Variants in STPG2 observed in about 807,000 individuals in gnomAD.
STPG2 encodes the protein sperm-tail PG-rich repeat-containing protein 2.
Under a neutral mutation model 54.2 loss-of-function variants are expected in STPG2, and 56 were observed. That is an observed-to-expected ratio of 1.03 (90% CI 0.83 to 1.29). STPG2 has a LOEUF of 1.29. STPG2 is among the 50% of genes most tolerant of loss of function. STPG2 has a pLI of 0.00. For synonymous variants in STPG2, 200 were observed against 181.8 expected (o/e 1.10, Z -0.81); for missense variants, 596 against 544.9 (o/e 1.09, Z -0.93).
intron 5 of STPG2, among the ~76,000 whole-genome samples, chr4:98,091,855 A>G (rs898536128): frequency 4.6e-5 from 7 of 152,206 alleles, no homozygotes; most frequent in Admixed American, 1.3e-4. Context: ...CTTAAAAGGA[A>G]GAATATTGAG....
chr4:97,490,385 T>C (rs1269212972), intron 4 of STPG2, among the ~76,000 whole-genome samples: 1 of 151,480 alleles, frequency 6.6e-6, no homozygotes, highest in African/African-American at 2.4e-5. Context: ...ATATTAATTA[T>C]TCCCTCTCTC....
At chr4:97,517,857 C>G (rs1011189824) in intron 4 of STPG2, among the ~76,000 whole-genome samples, 4 of 152,040 alleles carry the variant, frequency 2.6e-5, no homozygotes, top group Non-Finnish European at 4.4e-5. Flanking sequence ...ATGCTGCTAC[C>G]TTGTTCATTT....
At position 97,634,033 on chromosome 4, in the gene STPG2, G is replaced by C. The variant is rs546107139; in HGVS notation, c.1321-74916C>G. 1.1e-4 allele frequency among the ~76,000 whole-genome samples: 17 copies of C among 152,272 alleles called. No homozygotes were observed. In the South Asian group the frequency reaches 3.3e-3, roughly 30 times the overall value. ...CGTGCCTCTCTAGGCTCCACCTCTG[G>C]GGGCAGGGCACAGACAAACAAAAAG... On this transcript the variant is annotated intron_variant, in intron 10 of 10. Coordinates refer to ENST00000295268, the MANE Select transcript of STPG2 (RefSeq NM_174952.3).
intron 8 of STPG2, among the ~76,000 whole-genome samples, chr4:97,859,461 CT>C (rs1446587744): frequency 7.3e-6 from 1 of 137,658 alleles, no homozygotes; most frequent in Non-Finnish European, 1.5e-5. Flanking sequence ...TCTTTCTTTT[CT>C]TTTCTTTTTT....
chr4:98,022,264 C>T (rs1243521585), intron 5 of STPG2, among the ~76,000 whole-genome samples: 1 of 151,576 alleles, frequency 6.6e-6, no homozygotes, highest in Non-Finnish European at 1.5e-5. Flanking sequence ...TTTTATTTCT[C>T]CTTCACTTAT....
chr4:97,710,941 C>T (rs1199801763), intron 10 of STPG2, among the ~76,000 whole-genome samples: 3 of 151,602 alleles, frequency 2.0e-5, no homozygotes, highest in Admixed American at 6.6e-5. Flanking sequence ...TAACAAACAA[C>T]AATATAAAAC....
chr4:97,720,992 T>C (rs545553392), intron 9 of STPG2, among the ~76,000 whole-genome samples: 2 of 152,194 alleles, frequency 1.3e-5, no homozygotes, highest in South Asian at 2.1e-4. Context: ...CTCCCTCATA[T>C]TTTTAACTAG....
In STPG2 at chr4:97,818,469, A is replaced by C. The variant is rs571286858; in HGVS notation, c.1204+22304T>G. ...ATATGGTCTCTCTCTCTCTCTCAAA[A>C]TATTTTATTTTACTGTACTCGCCTA... On this transcript the variant is annotated intron_variant, in intron 9 of 10. Coordinates refer to ENST00000295268, the MANE Select transcript of STPG2 (RefSeq NM_174952.3). Among the ~76,000 whole-genome samples, 13 of 151,938 alleles carry C rather than the reference A, an allele frequency of 8.6e-5. No homozygotes were observed. In the South Asian group the frequency reaches 2.1e-3, roughly 24 times the overall value.
intron 9 of STPG2, among the ~76,000 whole-genome samples, chr4:97,716,836 A>G (rs1456719527): frequency 6.6e-6 from 1 of 151,828 alleles, no homozygotes; most frequent in Non-Finnish European, 1.5e-5. Context: ...CCTATGAAAC[A>G]AACCTGCACG....
At chr4:97,722,141 T>TGG (rs1724470016) in intron 9 of STPG2, among the ~76,000 whole-genome samples, 1 of 150,840 alleles carries the variant, frequency 6.6e-6, no homozygotes, top group Admixed American at 6.6e-5. Context: ...CAGCAAATAC[T>TGG]GAAATCTATT....
At chr4:98,074,032 G>A (rs1202207106) in intron 5 of STPG2, among the ~76,000 whole-genome samples, 1 of 152,162 alleles carries the variant, frequency 6.6e-6, no homozygotes, top group African/African-American at 2.4e-5. Context: ...CTGAGGATCT[G>A]TGTGTATATA....
chr4:97,446,318 C>A (rs1013582195), intron 4 of STPG2, among the ~76,000 whole-genome samples: 5 of 152,168 alleles, frequency 3.3e-5, no homozygotes, highest in African/African-American at 1.2e-4. Context: ...GAACTTATCT[C>A]TAGAGGAACA....
intron 4 of STPG2, among the ~76,000 whole-genome samples, chr4:97,541,916 A>C (rs1731717261): frequency 6.6e-6 from 1 of 152,214 alleles, no homozygotes; most frequent in Non-Finnish European, 1.5e-5. Flanking sequence ...CTGGCTAGCC[A>C]TATGTAGAAA....
chr4:98,025,858 A>C (rs1413087524), intron 5 of STPG2: 6 of 1,598,106 alleles, frequency 3.8e-6, no homozygotes, highest in Non-Finnish European at 5.1e-6. Flanking sequence ...CTGGCAATAA[A>C]GTTTTTGGCA....
chr4:97,881,194 T>C (rs1450651749), intron 8 of STPG2, among the ~76,000 whole-genome samples: 1 of 151,950 alleles, frequency 6.6e-6, no homozygotes, highest in Non-Finnish European at 1.5e-5. Context: ...GTCTTAAAAA[T>C]TAAAAGACAA....
At chr4:97,836,309 C>T (rs1728628342) in intron 9 of STPG2, among the ~76,000 whole-genome samples, 1 of 151,958 alleles carries the variant, frequency 6.6e-6, no homozygotes, top group Non-Finnish European at 1.5e-5. Flanking sequence ...CCACCAACAT[C>T]AAAGCAAGAC....
chr4:97,501,159 C>T (rs28407898), intron 4 of STPG2, among the ~76,000 whole-genome samples: 3 of 151,950 alleles, frequency 2.0e-5, no homozygotes, highest in African/African-American at 4.8e-5. Flanking sequence ...CTACCAAATA[C>T]ACAAGTTAGA....
At chr4:97,536,525 T>G (rs1731535417) in intron 4 of STPG2, among the ~76,000 whole-genome samples, 1 of 152,128 alleles carries the variant, frequency 6.6e-6, no homozygotes, top group South Asian at 2.1e-4. Context: ...CAGAACTGAG[T>G]CAATTAAACC....
At chr4:98,062,538 A>G (rs1452852179) in intron 5 of STPG2, among the ~76,000 whole-genome samples, 1 of 152,210 alleles carries the variant, frequency 6.6e-6, no homozygotes, top group Non-Finnish European at 1.5e-5. Flanking sequence ...TAACTTCAAA[A>G]TAGGTAACAC....
Sources: gnomAD v4.1 joint callset for allele counts (sites outside exome capture counted in the v4.1 genomes callset) on GRCh38, gnomAD v4.1.1 for gene constraint, MANE v1.5 for transcripts, NCBI Gene and HGNC (gene_info 2026-07-23, HGNC 2026-07-21) for gene names.